OPCML: variants seen among roughly 807,000 people sequenced by gnomAD.
The protein encoded by OPCML is opioid binding protein/cell adhesion molecule like, also known as opioid-binding protein/cell adhesion molecule.
A neutral mutation model predicts 37.8 loss-of-function variants in OPCML; 13 were observed. That is an observed-to-expected ratio of 0.34 (90% CI 0.22 to 0.55). OPCML has a LOEUF of 0.55. Ranked by LOEUF, OPCML falls within the 20% of genes least tolerant of loss-of-function variation. The pLI, the probability that OPCML is intolerant of heterozygous loss-of-function variation, is 0.91. For missense variants in OPCML, 341 were observed against 435.6 expected (o/e 0.78, Z 1.93); for synonymous variants, 176 against 168.8 (o/e 1.04, Z -0.33).
At chr11:132,805,593 G>C (rs898945914) in intron 2 of OPCML, among the ~76,000 whole-genome samples, 2 of 152,166 alleles carry the variant, frequency 1.3e-5, no homozygotes, top group African/African-American at 4.8e-5. Flanking sequence ...CAGAGCAATA[G>C]AGGAGGAAAG....
intron 1 of OPCML, among the ~76,000 whole-genome samples, chr11:133,088,890 A>C (rs1948859611): frequency 6.6e-6 from 1 of 152,228 alleles, no homozygotes; most frequent in South Asian, 2.1e-4. Context: ...TGACTACTAT[A>C]ATTTCATCCC....
rs1939998561 is a variant in OPCML at position 132,821,738 on chromosome 11, C to A, written c.146+121188G>T. On this transcript the variant is annotated intron_variant, in intron 2 of 7. Transcript: ENST00000524381. ...TTTGTTTCCAATTCAAGGTATCTTC[C>A]CCCCTCTTTCCATCTTCCAGCCTTC... 2.0e-5 allele frequency among the ~76,000 whole-genome samples: 3 copies of A among 152,060 alleles called. No homozygotes were observed. In the South Asian group the frequency reaches 6.2e-4, roughly 32 times the overall value.
chr11:133,458,165 CATATACATATATGTGTATAT>C (rs1946718597), intron 1 of OPCML, among the ~76,000 whole-genome samples: 1 of 140,060 alleles, frequency 7.1e-6, no homozygotes, highest in South Asian at 2.2e-4. Context: ...TATATATATA[CATATACATATATGTGTATAT>C]ATACACATAT....
At chr11:133,418,448 T>C in intron 1 of OPCML, 1 of 985,438 alleles carries the variant, frequency 1.0e-6, no homozygotes, top group Non-Finnish European at 1.2e-6. Context: ...CTTAAATGAC[T>C]TTGGTGTTTC....
intron 1 of OPCML, among the ~76,000 whole-genome samples, chr11:133,061,928 A>C (rs1948349924): frequency 6.6e-6 from 1 of 152,082 alleles, no homozygotes; most frequent in Non-Finnish European, 1.5e-5. Flanking sequence ...AAAGTTTGAG[A>C]ATTTCATGGA....
intron 2 of OPCML, among the ~76,000 whole-genome samples, chr11:132,684,533 G>A (rs547823736): frequency 6.6e-6 from 1 of 152,136 alleles, no homozygotes; most frequent in East Asian, 1.9e-4. Context: ...TTCCTTTGTT[G>A]GCTTTTATGG....
intron 1 of OPCML, among the ~76,000 whole-genome samples, chr11:133,317,345 C>T (rs778773953): frequency 2.0e-5 from 3 of 152,194 alleles, no homozygotes; most frequent in Non-Finnish European, 2.9e-5. Context: ...AGGAATGTTT[C>T]AAAATTTGAA....
At chr11:133,410,634 TAAAAAAAAAAAAAAAAAAAAAAAAAA>T (rs71038527) in intron 1 of OPCML, among the ~76,000 whole-genome samples, 11 of 47,012 alleles carry the variant, frequency 2.3e-4, no homozygotes, top group Admixed American at 1.2e-3. Context: ...AGAAAAAAAG[TAAAAAAAAAAAAAAAAAAAAAAAAAA>T]AAAAAAAAAA....
rs573847233 is a variant in OPCML, at chr11:132,922,426, T to C, written c.146+20500A>G. Among the ~76,000 whole-genome samples the C allele has an allele frequency of 2.0e-5, 3 of 152,138 alleles. No individual in the cohort carries two copies. The East Asian group carries it at 5.8e-4, about 30-fold the overall frequency. ...GCCAAAAGAGGTCGGATGGGCACCT[T>C]CCACCCTGTGCAAACAGAGAAAGCC... On this transcript the variant is annotated intron_variant, in intron 2 of 7. Transcript: ENST00000524381.
chr11:132,510,387 G>T (rs931132400), intron 4 of OPCML, among the ~76,000 whole-genome samples: 18 of 152,078 alleles, frequency 1.2e-4, no homozygotes, highest in Admixed American at 1.1e-3. Flanking sequence ...AGGCATGATT[G>T]GTTTTGAAAT....
intron 1 of OPCML, among the ~76,000 whole-genome samples, chr11:133,430,911 G>A (rs1306191013): frequency 6.6e-6 from 1 of 152,218 alleles, no homozygotes; most frequent in African/African-American, 2.4e-5. Flanking sequence ...TGTGATCACA[G>A]TGTTAATTAG....
intron 1 of OPCML, among the ~76,000 whole-genome samples, chr11:133,233,927 C>A (rs1039762686): frequency 6.6e-6 from 1 of 152,124 alleles, no homozygotes; most frequent in African/African-American, 2.4e-5. Flanking sequence ...TTGACCAGCT[C>A]CCCACTGACA....
rs116068733 is a variant in OPCML, at chr11:133,416,692, A to G, written c.61+115572T>C. ...TGCAGGTTGAATGATCACCCACTGT[A>G]GTAGAACATGAAATATCTTTGATTT... is the stretch of plus-strand genomic sequence containing the variant. On this transcript the variant is annotated intron_variant, in intron 1 of 7. Coordinates refer to ENST00000524381, the MANE Select transcript of OPCML (RefSeq NM_001012393.5). Among the ~76,000 whole-genome samples, 386 of 152,336 alleles carry G rather than the reference A, an allele frequency of 2.5e-3. 1 individual carries two copies. Among genetic ancestry groups the G allele is most frequent in the African/African-American group, 8.8e-3 (364 of 41,588 alleles).
intron 2 of OPCML, among the ~76,000 whole-genome samples, chr11:132,836,131 G>A (rs1940987774): frequency 6.6e-6 from 1 of 152,170 alleles, no homozygotes; most frequent in Non-Finnish European, 1.5e-5. Context: ...CGGCCTCCAT[G>A]TTTCAACAGG....
At chr11:133,219,634 C>T (rs1939729950) in intron 1 of OPCML, among the ~76,000 whole-genome samples, 1 of 152,282 alleles carries the variant, frequency 6.6e-6, no homozygotes, top group African/African-American at 2.4e-5. Flanking sequence ...GTATTTCTAA[C>T]AAGCCTCCAG....
At chr11:132,439,247 G>A (rs1439116759) in intron 4 of OPCML, among the ~76,000 whole-genome samples, 2 of 152,160 alleles carry the variant, frequency 1.3e-5, no homozygotes, top group African/African-American at 4.8e-5. Flanking sequence ...CTGAAGAAAT[G>A]GGGTCTGAAA....
intron 1 of OPCML, chr11:133,004,397 T>A (rs986120103): frequency 1.0e-6 from 1 of 985,366 alleles, no homozygotes; most frequent in Non-Finnish European, 1.2e-6. Context: ...GAAGTTGGAA[T>A]CGTGTCTATC....
chr11:133,420,598 T>G (rs1251140535), intron 1 of OPCML: 8 of 985,194 alleles, frequency 8.1e-6, no homozygotes, highest in Non-Finnish European at 8.4e-6. Context: ...ACATTATTAT[T>G]TATCACTATC....
chr11:133,481,099 T>A (rs111767669), intron 1 of OPCML, among the ~76,000 whole-genome samples: 258 of 152,346 alleles, frequency 1.7e-3, no homozygotes, highest in African/African-American at 6.1e-3. Flanking sequence ...CAATGCTAAA[T>A]AATTTTATCG....
Sources: gnomAD v4.1 joint callset for allele counts (sites outside exome capture counted in the v4.1 genomes callset) on GRCh38, gnomAD v4.1.1 for gene constraint, MANE v1.5 for transcripts, NCBI Gene and HGNC (gene_info 2026-07-23, HGNC 2026-07-21) for gene names.